Variants in VSIG10 observed in about 807,000 individuals in gnomAD.
VSIG10 encodes the protein V-set and immunoglobulin domain containing 10.
Under a neutral mutation model 58.7 loss-of-function variants are expected in VSIG10, and 48 were observed. That is an observed-to-expected ratio of 0.82 (90% CI 0.65 to 1.04). The LOEUF is 1.04. Among genes scored for constraint, VSIG10 ranks in the 50% least tolerant of loss-of-function variants. The pLI, the probability that VSIG10 is intolerant of heterozygous loss-of-function variation, is 0.00. For missense variants in VSIG10, 628 were observed against 670.0 expected, an observed-to-expected ratio of 0.94 and a Z score of 0.69; for synonymous variants, 260 against 267.1, an observed-to-expected ratio of 0.97 and a Z score of 0.26.
intron 4 of VSIG10, among the ~76,000 whole-genome samples, chr12:118,076,520 A>G (rs190008719): frequency 2.0e-5 from 3 of 152,164 alleles, no homozygotes; most frequent in African/African-American, 7.2e-5. Context: ...GAGCCAAACC[A>G]TATCATGGTG....
chr12:118,090,659 CT>C lies in VSIG10; in HGVS notation c.361+4873del, dbSNP rs543176821. 1.8e-3 allele frequency among the ~76,000 whole-genome samples: 277 copies of C among 152,218 alleles called. 2 individuals are homozygous for C. The highest frequency in any genetic ancestry group is 6.3e-3 in the African/African-American group (260 of 41,526). On this transcript the variant is annotated intron_variant, in intron 2 of 8. Transcript: ENST00000359236. ...AAAGAGAATTGGCAGAATTCTTCTC[CT>C]TTTATTTTTTCAGAGACAGGGTCTC...
intron 1 of VSIG10, among the ~76,000 whole-genome samples, chr12:118,100,452 G>A (rs994080561): frequency 2.0e-5 from 3 of 152,010 alleles, no homozygotes; most frequent in Non-Finnish European, 4.4e-5. Context: ...AGCCAAGATC[G>A]CACCATTGCA....
chr12:118,100,599 G>A (rs2033599280), intron 1 of VSIG10, among the ~76,000 whole-genome samples: 2 of 151,878 alleles, frequency 1.3e-5, no homozygotes, highest in African/African-American at 2.4e-5. Flanking sequence ...GCGTAATTTC[G>A]GCTCACTGCA....
rs34898170 is a variant in VSIG10 at position 118,090,052 on chromosome 12, C to T, written c.361+5481G>A. ...ACTCCTAGCCAGGCACAATGGCTCACGCCTGTAATCCCACACTTTGGGAGG... is the reference window on the plus strand; with the variant it reads ...ACTCCTAGCCAGGCACAATGGCTCATGCCTGTAATCCCACACTTTGGGAGG... On this transcript the variant is annotated intron_variant, in intron 2 of 8. Coordinates refer to ENST00000359236, the MANE Select transcript of VSIG10 (RefSeq NM_019086.6). 9.3e-3 allele frequency among the ~76,000 whole-genome samples: 1,419 copies of T among 152,134 alleles called. 24 individuals are homozygous for T. Among genetic ancestry groups the T allele is most frequent in the African/African-American group, 0.033 (1,375 of 41,458 alleles).
At position 118,064,287 on chromosome 12, in the gene VSIG10, T is replaced by C. The variant is rs903672171; in HGVS notation, c.*2352A>G. On this transcript the variant is annotated 3_prime_UTR_variant, in exon 9 of 9. Transcript: ENST00000359236. Reference sequence around the variant, plus strand: ...CACAGCTCAGCTGGTCAAAGGTTTATAGTGTTTGACACCAGGACCATGAAG... The same window carrying C: ...CACAGCTCAGCTGGTCAAAGGTTTACAGTGTTTGACACCAGGACCATGAAG... The C allele has an allele frequency of 6.6e-6, 1 of 152,204 alleles. No individual in the cohort carries two copies. Among genetic ancestry groups the C allele is most frequent in the Non-Finnish European group, 1.5e-5 (1 of 68,050 alleles). The allele number at this position is 152,204 out of a possible 1,614,324, so 9.4% of individuals were successfully genotyped here.
intron 3 of VSIG10, among the ~76,000 whole-genome samples, chr12:118,080,556 T>C (rs767034927): frequency 1.3e-5 from 2 of 152,164 alleles, no homozygotes; most frequent in African/African-American, 4.8e-5. Flanking sequence ...ATTCACACGC[T>C]ACTTGTTCAT....
intron 3 of VSIG10, 110 bp downstream of exon 3, chr12:118,082,017 T>TA (rs11413291): frequency 0.24 from 200,623 of 837,330 alleles, 11,749 homozygotes; most frequent in African/African-American, 0.4. Flanking sequence ...AACTCCATCT[T>TA]AAAAAAAAAA....
At chr12:118,087,028 G>A (rs891096107) in intron 2 of VSIG10, among the ~76,000 whole-genome samples, 1 of 150,956 alleles carries the variant, frequency 6.6e-6, no homozygotes, top group African/African-American at 2.4e-5. Flanking sequence ...CTCCCAAAGC[G>A]CTGGGATTAC....
At chr12:118,090,284 G>A (rs1421195742) in intron 2 of VSIG10, among the ~76,000 whole-genome samples, 5 of 152,070 alleles carry the variant, frequency 3.3e-5, no homozygotes, top group Non-Finnish European at 5.9e-5. Context: ...CAGCCTGGGC[G>A]GCAGAGCAAG....
chr12:118,091,560 T>A (rs1265130546), intron 2 of VSIG10, among the ~76,000 whole-genome samples: 1 of 151,970 alleles, frequency 6.6e-6, no homozygotes, highest in Non-Finnish European at 1.5e-5. Flanking sequence ...CCCACTAGGC[T>A]GCTCACTCCT....
At position 118,071,430 on chromosome 12, in the gene VSIG10, C is replaced by T. The variant is rs2032489045; in HGVS notation, c.1259G>A (p.Ser420Asn). 2 of 1,613,954 alleles carry T rather than the reference C, an allele frequency of 1.2e-6. No homozygotes were observed. Among genetic ancestry groups the T allele is most frequent in the Non-Finnish European group, 8.5e-7 (1 of 1,179,878 alleles). Residue 420 changes from serine to asparagine, a missense_variant, in exon 6 of 9, where the codon AGC becomes AAC. Ser to Asn is a conservative substitution (Grantham distance 46). Transcript: ENST00000359236. ...AATGGCCAGTCCCAGCAGAAGGAGGCTCACAATGGTTCCCACAATCCCCCC... is the reference window on the plus strand; with the variant it reads ...AATGGCCAGTCCCAGCAGAAGGAGGTTCACAATGGTTCCCACAATCCCCCC... Reference protein sequence around the residue: ...NIGGIVGTIVSLLLLGLAIIS... With the variant: ...NIGGIVGTIVNLLLLGLAIIS...
chr12:118,103,456 AGACCCTCCTGG>A (rs2033672294), intron 1 of VSIG10, 126 bp downstream of exon 1: 1 of 895,506 alleles, frequency 1.1e-6, no homozygotes, highest in African/African-American at 1.8e-5. Context: ...CAGGAAACCA[AGACCCTCCTGG>A]GGCAGCTTCT....
chr12:118,082,046 G>A (rs2137899562), intron 3 of VSIG10, 81 bp downstream of exon 3: 2 of 1,250,876 alleles, frequency 1.6e-6, no homozygotes, highest in Non-Finnish European at 1.1e-6. Flanking sequence ...AAAGACAAAT[G>A]GGAGAGGCAC....
intron 3 of VSIG10, 52 bp downstream of exon 3, chr12:118,082,075 T>C: frequency 6.4e-7 from 1 of 1,554,354 alleles, no homozygotes; most frequent in Admixed American, 1.9e-5. Flanking sequence ...AGTTCATAAG[T>C]TCACAAAGGG....
At chr12:118,084,158 C>A (rs1376236486) in intron 2 of VSIG10, among the ~76,000 whole-genome samples, 1 of 152,098 alleles carries the variant, frequency 6.6e-6, no homozygotes, top group Non-Finnish European at 1.5e-5. Context: ...TTTGCCAAAT[C>A]CTGTTCTAGA....
chr12:118,084,837 G>A (rs1472600705), intron 2 of VSIG10, among the ~76,000 whole-genome samples: 1 of 152,132 alleles, frequency 6.6e-6, no homozygotes, highest in African/African-American at 2.4e-5. Flanking sequence ...GGCTAACACG[G>A]TGAAACCCCG....
intron 2 of VSIG10, among the ~76,000 whole-genome samples, chr12:118,094,378 A>G (rs2033384052): frequency 6.6e-6 from 1 of 151,800 alleles, no homozygotes; most frequent in Non-Finnish European, 1.5e-5. Context: ...AAAGCACTTT[A>G]TTTGTTTATT....
intron 4 of VSIG10, 107 bp from the exon 5 acceptor site, chr12:118,074,099 TGAGATGGAG>T: frequency 1.0e-4 from 135 of 1,350,590 alleles, no homozygotes; most frequent in Admixed American, 2.5e-4. Context: ...TGTTTTGTTT[TGAGATGGAG>T]GTTTTGCTCT....
intron 2 of VSIG10, among the ~76,000 whole-genome samples, chr12:118,094,877 C>T (rs2033400677): frequency 6.6e-6 from 1 of 151,158 alleles, no homozygotes; most frequent in Non-Finnish European, 1.5e-5. Flanking sequence ...GGAGGGATTA[C>T]AGGCGTGCGC....
Sources: gnomAD v4.1 joint callset for allele counts (sites outside exome capture counted in the v4.1 genomes callset) on GRCh38, gnomAD v4.1.1 for gene constraint, MANE v1.5 for transcripts, NCBI Gene and HGNC (gene_info 2026-07-23, HGNC 2026-07-21) for gene names.